DLGAP3: variants seen among roughly 807,000 people sequenced by gnomAD.
DLGAP3 encodes the protein DLG associated protein 3, also known as disks large-associated protein 3.
A neutral mutation model predicts 81.2 loss-of-function variants in DLGAP3; 17 were observed. That is an observed-to-expected ratio of 0.21 (90% CI 0.14 to 0.31). DLGAP3 has a LOEUF of 0.31. DLGAP3 is among the 10% of genes least tolerant of loss of function. The pLI is 1.00. For synonymous variants in DLGAP3, 577 were observed against 587.4 expected (o/e 0.98, Z 0.26); for missense variants, 1,124 against 1,388.0 (o/e 0.81, Z 3.02).
At chr1:34,911,022 A>AACC (rs1639630935) in intron 1 of DLGAP3, among the ~76,000 whole-genome samples, 3 of 131,952 alleles carry the variant, frequency 2.3e-5, no homozygotes, top group African/African-American at 8.9e-5. Context: ...GATATTATCC[A>AACC]CCCCCCCCCC....
At position 34,905,349 on chromosome 1, in the gene DLGAP3, G is replaced by C. The variant is rs1292859040; in HGVS notation, c.35C>G (p.Pro12Arg). The C allele has an allele frequency of 1.9e-6, 3 of 1,557,058 alleles. No individual in the cohort carries two copies. Among genetic ancestry groups the C allele is most frequent in the South Asian group, 1.2e-5 (1 of 84,526 alleles). ...TTGGTCAGCAAAGCGGGCTGGGCGGGGATGGCTGCCTCGGTCGCCATGGTA... is the reference window on the plus strand; with the variant it reads ...TTGGTCAGCAAAGCGGGCTGGGCGGCGATGGCTGCCTCGGTCGCCATGGTA... ...RGYHGDRGSH[P>R]RPARFADQQH... The change falls in exon 3 of 12, where the codon CCC becomes CGC. Residue 12 changes from proline to arginine, a missense_variant. Around this residue, in one of 9 missense-constraint regions of DLGAP3, gnomAD observed 167 missense variants for 172.1 expected, o/e 0.97. Transcript: ENST00000373347.
chr1:34,904,181 G>C lies in DLGAP3; in HGVS notation c.1107+96C>G. 6.7e-7 allele frequency: 1 copy of C among 1,488,612 alleles called. No individual in the cohort carries two copies. The highest frequency in any genetic ancestry group is 1.4e-5 in the African/African-American group (1 of 73,022). The allele number at this position is 1,488,612 out of a possible 1,614,324, so 92.2% of individuals were successfully genotyped here. ...CTACACCCAGGCCCTCCATCACAGG[G>C]ACAGCTGGCTCCCACCCAACCCTTT... On this transcript the variant is annotated intron_variant, in intron 3 of 11. Coordinates refer to ENST00000373347, the MANE Select transcript of DLGAP3 (RefSeq NM_001080418.3). The surrounding 1 kb of genome is among the most constrained non-coding windows in gnomAD (Gnocchi z 8.1).
Position 34,904,913 on chromosome 1 carries a change from G to T in DLGAP3, c.471C>A (p.Gly157=), listed in dbSNP as rs1232466763. Residue 157 remains glycine, a synonymous_variant, in exon 3 of 12, where the codon GGC becomes GGA. Transcript: ENST00000373347. The surrounding 1 kb of genome is among the most constrained non-coding windows in gnomAD (Gnocchi z 8.1). ...GAGPGPAPGT[G]TAPEPRSESP... ...TCTCACTGCGGGGCTCTGGGGCAGT[G>T]CCCGTCCCTGGCGCTGGCCCGGGCC... The T allele has an allele frequency of 1.2e-6, 2 of 1,611,732 alleles. No individual in the cohort carries two copies. Among genetic ancestry groups the T allele is most frequent in the Non-Finnish European group, 1.7e-6 (2 of 1,179,942 alleles).
At position 34,914,482 on chromosome 1, in the gene DLGAP3, C is replaced by T. The variant is rs549289166; in HGVS notation, c.-134-7045G>A. On this transcript the variant is annotated intron_variant, in intron 1 of 11. Transcript: ENST00000373347. ...AGGACCCGAACTCCTCTAGGACCCT[C>T]GTTAGGGGCAGCTGGTGAGCAACTG... Among the ~76,000 whole-genome samples, 246 of 152,296 alleles carry T rather than the reference C, an allele frequency of 1.6e-3. 1 individual carries two copies. Among genetic ancestry groups the T allele is most frequent in the South Asian group, 1.0e-3 (5 of 4,818 alleles).
chr1:34,890,595 C>T (rs892334703), intron 5 of DLGAP3, among the ~76,000 whole-genome samples: 1 of 152,226 alleles, frequency 6.6e-6, no homozygotes, highest in Non-Finnish European at 1.5e-5. Context: ...GGGAGGCAAG[C>T]TGCTATGCTG....
At position 34,904,342 on chromosome 1, in the gene DLGAP3, C is replaced by T. The variant is rs766044952; in HGVS notation, c.1042G>A (p.Gly348Arg). 6.8e-6 allele frequency: 11 copies of T among 1,611,964 alleles called. No individual in the cohort carries two copies. In the South Asian group the frequency reaches 8.8e-5, roughly 13 times the overall value. ...GGACCCAGGAGCCCCTTGCCTGGCC[C>T]GGCCCCCGGGTATCCATCCCGGCCC... ...SQGRDGYPGA[G>R]PGKGLLGPET... Residue 348 changes from glycine (G) to arginine (R), a missense_variant, in exon 3 of 12, where the codon GGG becomes AGG. This residue lies in a region of DLGAP3 where 357 missense variants were observed against 408.8 expected (regional missense o/e 0.87). Coordinates refer to ENST00000373347, the MANE Select transcript of DLGAP3 (RefSeq NM_001080418.3). The surrounding 1 kb of genome is among the most constrained non-coding windows in gnomAD (Gnocchi z 8.1).
In DLGAP3 at chr1:34,904,197, C is replaced by G; in HGVS notation, c.1107+80G>C. Reference sequence around the variant, plus strand: ...CATCACAGGGACAGCTGGCTCCCACCCAACCCTTTCCACTGCTCCCTAGTT... The same window carrying G: ...CATCACAGGGACAGCTGGCTCCCACGCAACCCTTTCCACTGCTCCCTAGTT... On this transcript the variant is annotated intron_variant, in intron 3 of 11. Transcript: ENST00000373347. This position sits in a 1 kb window ranked among gnomAD's most constrained non-coding sequence, Gnocchi z 8.1. 1 of 1,566,226 alleles carries G rather than the reference C, an allele frequency of 6.4e-7. No homozygotes were observed. Among genetic ancestry groups the G allele is most frequent in the Non-Finnish European group, 8.7e-7 (1 of 1,150,822 alleles).
Position 34,885,679 on chromosome 1 carries a change from C to T in DLGAP3, c.1713G>A (p.Ala571=), listed in dbSNP as rs754557551. 1.7e-5 allele frequency: 24 copies of T among 1,406,562 alleles called. No homozygotes were observed. In the East Asian group the frequency reaches 3.1e-4, roughly 18 times the overall value. 87.1% of individuals were successfully genotyped at this position (1,406,562 alleles called of 1,614,324 possible). The part of the protein sequence containing the change: ...STDSAHESFT[A]AEGPARRCSS... ...TGCAGCGCCGGGCGGGGCCCTCGGC[C>T]GCCGTGAAGCTCTCGTGCGCGGAGT... is the stretch of plus-strand genomic sequence containing the variant. Residue 571 remains alanine, a synonymous_variant, in exon 7 of 12, where the codon GCG becomes GCA. Transcript: ENST00000373347.
At chr1:34,907,984 T>C (rs1057421547) in intron 1 of DLGAP3, among the ~76,000 whole-genome samples, 2 of 152,250 alleles carry the variant, frequency 1.3e-5, no homozygotes, top group Middle Eastern at 3.2e-3. Context: ...AAGCCCCACC[T>C]TCCCTTAAAG....
intron 1 of DLGAP3, among the ~76,000 whole-genome samples, chr1:34,916,002 G>T (rs889359455): frequency 2.0e-5 from 3 of 152,128 alleles, no homozygotes; most frequent in Non-Finnish European, 2.9e-5. Flanking sequence ...AGGGTAAAGA[G>T]TTGTTTGTAA....
rs147567748 is a variant in DLGAP3 at position 34,907,863 on chromosome 1, C to T, written c.-134-426G>A. 8.7e-3 allele frequency among the ~76,000 whole-genome samples: 1,319 copies of T among 152,280 alleles called. 23 individuals are homozygous for T. The highest frequency in any genetic ancestry group is 0.03 in the African/African-American group (1,243 of 41,558). ...AGTCTAACAGGGGAACAACCTCTCA[C>T]GTGACAGAGTTATTTCAGGCCACTT... On this transcript the variant is annotated intron_variant, in intron 1 of 11. Transcript: ENST00000373347.
intron 1 of DLGAP3, among the ~76,000 whole-genome samples, chr1:34,915,935 C>T (rs904289275): frequency 6.6e-6 from 1 of 152,182 alleles, no homozygotes; most frequent in South Asian, 2.1e-4. Context: ...TCCCATCAAT[C>T]CCAGGACACC....
At position 34,873,437 on chromosome 1, in the gene DLGAP3, G is replaced by A. The variant is rs530890712; in HGVS notation, c.2001-4348C>T. Among the ~76,000 whole-genome samples, 46 of 152,262 alleles carry A rather than the reference G, an allele frequency of 3.0e-4. 1 individual carries two copies. In the South Asian group the frequency reaches 8.1e-3, roughly 27 times the overall value. ...CTTGCCCGGGTCCAAAACCCAGCTC[G>A]GTGGCTTGTGCCTCATTTTCCCATC... is the stretch of plus-strand genomic sequence containing the variant. On this transcript the variant is annotated intron_variant, in intron 8 of 11. Coordinates refer to ENST00000373347, the MANE Select transcript of DLGAP3 (RefSeq NM_001080418.3). The surrounding 1 kb of genome is among the most constrained non-coding windows in gnomAD (Gnocchi z 4.2).
chr1:34,869,031 G>A lies in DLGAP3; in HGVS notation c.2059C>T (p.Leu687=), dbSNP rs1407947705. The A allele has an allele frequency of 6.2e-7, 1 of 1,601,782 alleles. No individual in the cohort carries two copies. Among genetic ancestry groups the A allele is most frequent in the Admixed American group, 1.7e-5 (1 of 59,800 alleles). The change falls in exon 9 of 12, where the codon CTG becomes TTG. Residue 687 remains leucine, a synonymous_variant. Coordinates refer to ENST00000373347, the MANE Select transcript of DLGAP3 (RefSeq NM_001080418.3). ...VTAGVQADLE[L]EGLAGLATVA... ...GTGGCCAGGCCTGCCAGGCCCTCCAGCTCCAGGTCTGCCTGCACGCCAGCC... is the reference window on the plus strand; with the variant it reads ...GTGGCCAGGCCTGCCAGGCCCTCCAACTCCAGGTCTGCCTGCACGCCAGCC...
chr1:34,924,732 T>A (rs1371744971), intron 1 of DLGAP3, among the ~76,000 whole-genome samples: 1 of 152,062 alleles, frequency 6.6e-6, no homozygotes, highest in African/African-American at 2.4e-5. Flanking sequence ...ACCCCGATAA[T>A]AACAGTACAA....
chr1:34,878,315 A>G (rs1409694536), intron 8 of DLGAP3, among the ~76,000 whole-genome samples: 2 of 152,194 alleles, frequency 1.3e-5, no homozygotes, highest in Non-Finnish European at 2.9e-5. Context: ...AAAAAAATAA[A>G]AATAAAAATA....
chr1:34,921,917 G>A (rs542902689), intron 1 of DLGAP3, among the ~76,000 whole-genome samples: 24 of 152,292 alleles, frequency 1.6e-4, no homozygotes, highest in African/African-American at 5.8e-4. Context: ...GTGCACCTAT[G>A]TTGATATATG....
chr1:34,886,793 C>T (rs1430546395), intron 5 of DLGAP3, among the ~76,000 whole-genome samples: 2 of 150,696 alleles, frequency 1.3e-5, no homozygotes, highest in Admixed American at 6.6e-5. Context: ...CATACATGTA[C>T]TATATATATA....
At chr1:34,924,755 G>A (rs1411053728) in intron 1 of DLGAP3, among the ~76,000 whole-genome samples, 1 of 152,214 alleles carries the variant, frequency 6.6e-6, no homozygotes, top group African/African-American at 2.4e-5. Flanking sequence ...GTTTTGGAAG[G>A]GAGAGAGGGA....
Sources: allele counts gnomAD v4.1 joint callset (sites outside exome capture counted in the v4.1 genomes callset), GRCh38; gene constraint gnomAD v4.1.1; regional missense constraint gnomAD v4.1.1; non-coding constraint Gnocchi (gnomAD v3.1); transcripts MANE v1.5; gene names NCBI Gene and HGNC (gene_info 2026-07-23, HGNC 2026-07-21).